Variants in UBR2 observed in about 807,000 individuals in gnomAD.
UBR2 encodes the protein ubiquitin protein ligase E3 component n-recognin 2, also known as E3 ubiquitin-protein ligase UBR2.
A neutral mutation model predicts 247.9 loss-of-function variants in UBR2; 92 were observed. The observed-to-expected ratio is 0.37, with a 90% confidence interval of 0.31 to 0.44. The LOEUF (loss-of-function observed/expected upper bound fraction) is 0.44, where lower values mean the gene tolerates loss of function less well. UBR2 is among the 20% of genes least tolerant of loss of function. The pLI, the probability that UBR2 is intolerant of heterozygous loss-of-function variation, is 1.00. For missense variants in UBR2, 1,613 were observed against 2,112.6 expected (o/e 0.76, Z 4.64); for synonymous variants, 672 against 693.5 (o/e 0.97, Z 0.49).
chr6:42,655,139 ATTGT>A (rs1285459094), intron 25 of UBR2, among the ~76,000 whole-genome samples: 3 of 152,202 alleles, frequency 2.0e-5, no homozygotes, highest in Non-Finnish European at 4.4e-5. Context: ...CTTGACAATA[ATTGT>A]TTGTTAGAAA....
intron 30 of UBR2, among the ~76,000 whole-genome samples, chr6:42,661,717 G>A (rs1797819775): frequency 6.6e-6 from 1 of 152,096 alleles, no homozygotes; most frequent in South Asian, 2.1e-4. Flanking sequence ...TTCGCTGTAT[G>A]AGTGTTGTTA....
At chr6:42,565,069 G>A (rs542272974) in intron 1 of UBR2, among the ~76,000 whole-genome samples, 10 of 152,298 alleles carry the variant, frequency 6.6e-5, no homozygotes, top group African/African-American at 2.4e-4. Flanking sequence ...ATTGGATGGA[G>A]AACAAATGTT....
chr6:42,605,641 C>A, intron 5 of UBR2, 80 bp from the exon 6 acceptor site: 1 of 1,364,154 alleles, frequency 7.3e-7, no homozygotes, highest in South Asian at 1.4e-5. Context: ...TTGCATAGGA[C>A]AAAGTAGTCT....
intron 2 of UBR2, among the ~76,000 whole-genome samples, chr6:42,580,077 A>G (rs1791782280): frequency 1.3e-5 from 2 of 152,154 alleles, no homozygotes; most frequent in Admixed American, 1.3e-4. Context: ...GCTGCAAGGA[A>G]TACCCTGCAC....
chr6:42,666,481 C>T lies in UBR2; in HGVS notation c.3881+236C>T, dbSNP rs190284987. 4.1e-3 allele frequency among the ~76,000 whole-genome samples: 627 copies of T among 152,172 alleles called. 6 individuals carry two copies. Among genetic ancestry groups the T allele is most frequent in the South Asian group, 0.022 (107 of 4,818 alleles). ...TTCCAGTCTGGGTGACAGAGTGAGA[C>T]CCTGTCTCAACAACAACAACAAAAA... is the stretch of plus-strand genomic sequence containing the variant. On this transcript the variant is annotated intron_variant, in intron 34 of 46. Transcript: ENST00000372901.
intron 4 of UBR2, among the ~76,000 whole-genome samples, chr6:42,594,886 TCTG>T (rs1346677438): frequency 2.0e-5 from 3 of 152,234 alleles, no homozygotes; most frequent in African/African-American, 7.2e-5. Context: ...TGCTTAAATC[TCTG>T]CTGCTTTTTT....
chr6:42,688,256 C>T lies in UBR2; in HGVS notation c.4894C>T (p.Leu1632=). Residue 1632 remains leucine, a synonymous_variant, in exon 45 of 47, where the codon CTG becomes TTG. Coordinates refer to ENST00000372901, the MANE Select transcript of UBR2 (RefSeq NM_001363705.2). Reference sequence around the variant, plus strand: ...TGGTGATAAGAGCAGAGCCCCAACTCTGTGCCTTGTGTGCGGATCTCTGCT... The same window carrying T: ...TGGTGATAAGAGCAGAGCCCCAACTTTGTGCCTTGTGTGCGGATCTCTGCT... ...SGGDKSRAPT[L]CLVCGSLLCS... 1 of 1,614,186 alleles carries T rather than the reference C, an allele frequency of 6.2e-7. No individual in the cohort carries two copies. Among genetic ancestry groups the T allele is most frequent in the South Asian group, 1.1e-5 (1 of 91,082 alleles).
intron 11 of UBR2, among the ~76,000 whole-genome samples, chr6:42,631,351 A>G (rs1015533518): frequency 8.5e-5 from 13 of 152,174 alleles, no homozygotes; most frequent in African/African-American, 3.1e-4. Context: ...CAAAATGGCA[A>G]AGAGCAAAAT....
At chr6:42,635,390 C>T (rs1407228813) in intron 13 of UBR2, 28 bp from the exon 14 acceptor site, 4 of 1,603,142 alleles carry the variant, frequency 2.5e-6, no homozygotes, top group Non-Finnish European at 3.4e-6. Flanking sequence ...TATTTTCATT[C>T]ATATATAATT....
chr6:42,621,750 C>T (rs1481834620), intron 11 of UBR2, among the ~76,000 whole-genome samples: 1 of 151,244 alleles, frequency 6.6e-6, no homozygotes, highest in Non-Finnish European at 1.5e-5. Flanking sequence ...CGTGAGCCAC[C>T]GCGCCAGGCC....
chr6:42,657,712 C>A (rs1224986139), intron 26 of UBR2, among the ~76,000 whole-genome samples: 1 of 152,114 alleles, frequency 6.6e-6, no homozygotes, highest in East Asian at 1.9e-4. Flanking sequence ...TATTTTTAGA[C>A]CTGTAAAATC....
intron 2 of UBR2, among the ~76,000 whole-genome samples, chr6:42,587,067 G>T (rs1393860955): frequency 6.6e-6 from 1 of 151,974 alleles, no homozygotes; most frequent in South Asian, 2.1e-4. Context: ...TAATCCACCT[G>T]CCTGAGCCTC....
chr6:42,655,587 A>C (rs1797398568), intron 25 of UBR2, 34 bp from the exon 26 acceptor site: 1 of 1,346,636 alleles, frequency 7.4e-7, no homozygotes, highest in African/African-American at 1.5e-5. Flanking sequence ...GATTTTTTAA[A>C]TTTTTACTAA....
chr6:42,674,780 A>G (rs1798631336), intron 38 of UBR2, among the ~76,000 whole-genome samples: 1 of 151,924 alleles, frequency 6.6e-6, no homozygotes, highest in African/African-American at 2.4e-5. Context: ...AAACAGCAAC[A>G]GAAGCACTGC....
chr6:42,636,886 G>C (rs1440070038), intron 14 of UBR2, 125 bp from the exon 15 acceptor site: 2 of 970,856 alleles, frequency 2.1e-6, no homozygotes, highest in Non-Finnish European at 3.0e-6. Flanking sequence ...ATTTGGGAGG[G>C]AGGATTGAGT....
At chr6:42,615,884 A>G (rs752460474) in intron 9 of UBR2, 118 bp from the exon 10 acceptor site, 4 of 720,200 alleles carry the variant, frequency 5.6e-6, no homozygotes, top group Non-Finnish European at 8.7e-6. Context: ...ACAGCAAGAC[A>G]CTGTCTCAAA....
intron 20 of UBR2, among the ~76,000 whole-genome samples, 162 bp downstream of exon 20, chr6:42,644,698 A>G (rs1275567259): frequency 6.6e-6 from 1 of 152,134 alleles, no homozygotes; most frequent in African/African-American, 2.4e-5. Context: ...GGTTACTGTA[A>G]TATTGAGAGT....
At chr6:42,596,211 T>G (rs1792965290) in intron 4 of UBR2, among the ~76,000 whole-genome samples, 1 of 150,092 alleles carries the variant, frequency 6.7e-6, no homozygotes. Context: ...AATAGACATT[T>G]TTACAGAGAA....
chr6:42,661,285 TAA>T (rs61010445), intron 30 of UBR2, among the ~76,000 whole-genome samples: 1 of 144,844 alleles, frequency 6.9e-6, no homozygotes, highest in African/African-American at 2.5e-5. Context: ...GAGACTGTCT[TAA>T]AAAAAAAAAA....
Sources: allele counts gnomAD v4.1 joint callset (sites outside exome capture counted in the v4.1 genomes callset), GRCh38; gene constraint gnomAD v4.1.1; transcripts MANE v1.5; gene names NCBI Gene and HGNC (gene_info 2026-07-23, HGNC 2026-07-21).